The following ATRNL1 variants were observed in gnomAD, a reference collection of about 807,000 sequenced individuals.
The protein encoded by ATRNL1 is attractin like 1.
ATRNL1 carries 95 observed loss-of-function variants against 182.7 expected under a neutral mutation model. That is an observed-to-expected ratio of 0.52 (90% CI 0.44 to 0.62). The LOEUF is 0.62. Ranked by LOEUF, ATRNL1 falls within the 20% of genes least tolerant of loss-of-function variation. The pLI is 0.00. For synonymous variants in ATRNL1, 576 were observed against 568.3 expected, an observed-to-expected ratio of 1.01 and a Z score of -0.19; for missense variants, 1,471 against 1,679.5, an observed-to-expected ratio of 0.88 and a Z score of 2.17.
chr10:115,629,653 A>G (rs1555025755), intron 26 of ATRNL1, among the ~76,000 whole-genome samples: 1 of 152,102 alleles, frequency 6.6e-6, no homozygotes, highest in African/African-American at 2.4e-5. Context: ...GTCAAGACTG[A>G]ACTGTCTTCT....
intron 26 of ATRNL1, among the ~76,000 whole-genome samples, chr10:115,657,974 C>A (rs1404310594): frequency 6.6e-6 from 1 of 151,676 alleles, no homozygotes; most frequent in Non-Finnish European, 1.5e-5. Context: ...AATATATTCT[C>A]ATAAATCTTG....
chr10:115,273,634 A>G (rs1394377977), intron 13 of ATRNL1, among the ~76,000 whole-genome samples: 1 of 152,218 alleles, frequency 6.6e-6, no homozygotes, highest in Admixed American at 6.5e-5. Context: ...AGGTCCCAGG[A>G]AGGGATAGCA....
At chr10:115,176,770 A>G (rs782420634) in intron 8 of ATRNL1, among the ~76,000 whole-genome samples, 2 of 152,156 alleles carry the variant, frequency 1.3e-5, no homozygotes, top group African/African-American at 4.8e-5. Context: ...TCAAGCAGAC[A>G]GTTGGATATA....
chr10:115,241,591 G>C lies in ATRNL1; in HGVS notation c.1553G>C (p.Gly518Ala), dbSNP rs1442420634. ...TGTAGGACTATTTTGAAAGAAAGTG[G>C]GTTTGCCAGATACCTTCATTCAGCT... ...TKTWTILKES[G>A]FARYLHSAVL... Residue 518 changes from glycine to alanine, a missense_variant, in exon 10 of 29, where the codon GGG (glycine) becomes GCG (alanine). Coordinates refer to ENST00000355044, the MANE Select transcript of ATRNL1 (RefSeq NM_207303.4). 1 of 1,603,104 alleles carries C rather than the reference G, an allele frequency of 6.2e-7. No individual in the cohort carries two copies. The highest frequency in any genetic ancestry group is 2.2e-5 in the East Asian group (1 of 44,724).
At chr10:115,181,021 A>G (rs1368009549) in intron 8 of ATRNL1, among the ~76,000 whole-genome samples, 1 of 151,904 alleles carries the variant, frequency 6.6e-6, no homozygotes, top group Non-Finnish European at 1.5e-5. Flanking sequence ...AACCTGATTT[A>G]CAAAAACAAT....
chr10:115,558,005 A>G (rs1000516772), intron 26 of ATRNL1, among the ~76,000 whole-genome samples: 1 of 151,796 alleles, frequency 6.6e-6, no homozygotes, highest in East Asian at 1.9e-4. Flanking sequence ...AGATCCTGCC[A>G]CTGCACTCCA....
At chr10:115,747,863 G>A (rs1555069586) in intron 27 of ATRNL1, among the ~76,000 whole-genome samples, 3 of 152,030 alleles carry the variant, frequency 2.0e-5, no homozygotes, top group African/African-American at 7.2e-5. Context: ...TTCATAAATA[G>A]TGCCTTCTTG....
rs1389761993 is a variant in ATRNL1 at position 115,152,659 on chromosome 10, A to G, written c.830-7381A>G. Among the ~76,000 whole-genome samples, 5 of 152,328 alleles carry G rather than the reference A, an allele frequency of 3.3e-5. No homozygotes were observed. In the East Asian group the frequency reaches 9.6e-4, roughly 29 times the overall value. ...TAAATATACAATCATGTCATCTGCA[A>G]ACAGGGACAATTTGACTTCCTCTTT... On this transcript the variant is annotated intron_variant, in intron 5 of 28. Transcript: ENST00000355044.
At chr10:115,113,379 ATAGTACTGAT>A (rs1188804554) in intron 1 of ATRNL1, among the ~76,000 whole-genome samples, 1 of 152,302 alleles carries the variant, frequency 6.6e-6, no homozygotes, top group Admixed American at 6.5e-5. Flanking sequence ...CATCCACCTT[ATAGTACTGAT>A]TTGGCTCCTT....
intron 19 of ATRNL1, among the ~76,000 whole-genome samples, chr10:115,383,353 A>G (rs1858138351): frequency 6.6e-6 from 1 of 151,884 alleles, no homozygotes; most frequent in Non-Finnish European, 1.5e-5. Flanking sequence ...AAAAAATGAT[A>G]ATTATGACCG....
intron 25 of ATRNL1, among the ~76,000 whole-genome samples, chr10:115,534,191 G>A (rs375255355): frequency 4.3e-5 from 6 of 140,368 alleles, no homozygotes; most frequent in Non-Finnish European, 8.1e-5. Flanking sequence ...TCTGTCTAAT[G>A]TTGACAGTGG....
At chr10:115,661,289 A>G (rs1019826217) in intron 26 of ATRNL1, among the ~76,000 whole-genome samples, 4 of 152,144 alleles carry the variant, frequency 2.6e-5, no homozygotes, top group Admixed American at 2.0e-4. Flanking sequence ...ATGCATAGAA[A>G]TGTTTTTTAA....
At chr10:115,356,362 TTGTATTCTCTCAGTACATACTA>T (rs1317423705) in intron 19 of ATRNL1, among the ~76,000 whole-genome samples, 9 of 152,220 alleles carry the variant, frequency 5.9e-5, no homozygotes, top group Admixed American at 3.3e-4. Context: ...TGTTAAAAGT[TTGTATTCTCTCAGTACATACTA>T]CGTTCTGTGT....
At chr10:115,599,165 T>C (rs1224755222) in intron 26 of ATRNL1, among the ~76,000 whole-genome samples, 1 of 152,210 alleles carries the variant, frequency 6.6e-6, no homozygotes, top group African/African-American at 2.4e-5. Context: ...GCTCACAGTG[T>C]ACTATAAAAT....
intron 19 of ATRNL1, among the ~76,000 whole-genome samples, chr10:115,337,454 T>C (rs574062055): frequency 6.6e-6 from 1 of 152,260 alleles, no homozygotes; most frequent in South Asian, 2.1e-4. Flanking sequence ...TTCCTATTTT[T>C]TTGCACCTCT....
At chr10:115,465,672 G>A (rs577568973) in intron 22 of ATRNL1, among the ~76,000 whole-genome samples, 99 of 151,472 alleles carry the variant, frequency 6.5e-4, no homozygotes, top group African/African-American at 2.3e-3. Context: ...TCACTATGAT[G>A]CATAATATAA....
chr10:115,923,822 A>G (rs1555119274), intron 28 of ATRNL1, among the ~76,000 whole-genome samples: 1 of 152,192 alleles, frequency 6.6e-6, no homozygotes, highest in African/African-American at 2.4e-5. Context: ...TCCTTGAGGA[A>G]TCGCCTACTG....
chr10:115,142,359 T>A (rs1223354445), intron 5 of ATRNL1, among the ~76,000 whole-genome samples: 4 of 152,110 alleles, frequency 2.6e-5, no homozygotes, highest in African/African-American at 9.7e-5. Context: ...AAGCCAGGTG[T>A]ACATAAGGAC....
At chr10:115,825,029 G>A (rs1950395646) in intron 27 of ATRNL1, among the ~76,000 whole-genome samples, 2 of 152,076 alleles carry the variant, frequency 1.3e-5, no homozygotes, top group African/African-American at 4.8e-5. Context: ...AGAAAATGTG[G>A]CACATATACA....
Sources: allele counts gnomAD v4.1 joint callset (sites outside exome capture counted in the v4.1 genomes callset), GRCh38; gene constraint gnomAD v4.1.1; transcripts MANE v1.5; gene names NCBI Gene and HGNC (gene_info 2026-07-23, HGNC 2026-07-21).